INPP4B: variants seen among roughly 807,000 people sequenced by gnomAD.
INPP4B encodes the protein inositol polyphosphate 4-phosphatase type II.
In INPP4B, 55 loss-of-function variants were observed where a neutral mutation model predicts 122.5. That is an observed-to-expected ratio of 0.45 (90% CI 0.36 to 0.56). INPP4B has a LOEUF of 0.56. Among genes scored for constraint, INPP4B ranks in the 20% least tolerant of loss-of-function variants. INPP4B has a pLI of 0.00. For synonymous variants in INPP4B, 403 were observed against 388.7 expected, an observed-to-expected ratio of 1.04 and a Z score of -0.43; for missense variants, 1,000 against 1,097.7, an observed-to-expected ratio of 0.91 and a Z score of 1.26.
intron 12 of INPP4B, among the ~76,000 whole-genome samples, chr4:142,223,368 G>T (rs958099479): frequency 2.6e-5 from 4 of 152,124 alleles, no homozygotes; most frequent in African/African-American, 9.7e-5. Context: ...TTTTAACTAT[G>T]TGCCAAGTAG....
intron 25 of INPP4B, among the ~76,000 whole-genome samples, chr4:142,080,683 C>T (rs925041025): frequency 2.6e-5 from 4 of 151,950 alleles, no homozygotes; most frequent in African/African-American, 9.7e-5. Context: ...ATTTAAGGGT[C>T]CCCTCTTCTA....
intron 9 of INPP4B, among the ~76,000 whole-genome samples, chr4:142,273,027 T>A (rs569409080): frequency 1.3e-5 from 2 of 152,132 alleles, no homozygotes; most frequent in South Asian, 4.1e-4. Flanking sequence ...ACCGTATATG[T>A]CATATTGGTT....
chr4:142,506,900 G>C (rs1303376938), intron 2 of INPP4B, among the ~76,000 whole-genome samples: 2 of 152,164 alleles, frequency 1.3e-5, no homozygotes, highest in Admixed American at 6.5e-5. Context: ...ATCCAACAAA[G>C]CCTGTTGGAG....
At chr4:142,036,057 C>G (rs1224140577) in intron 25 of INPP4B, among the ~76,000 whole-genome samples, 2 of 152,052 alleles carry the variant, frequency 1.3e-5, no homozygotes, top group African/African-American at 4.8e-5. Flanking sequence ...TCCCCTCCTT[C>G]CCTCTCCCCT....
chr4:142,553,700 C>A (rs914122492), intron 2 of INPP4B, among the ~76,000 whole-genome samples: 4 of 152,174 alleles, frequency 2.6e-5, no homozygotes, highest in Non-Finnish European at 4.4e-5. Context: ...TATTGCTGTT[C>A]TTCCCTTCTC....
chr4:142,280,813 C>T (rs1411243045), intron 9 of INPP4B, among the ~76,000 whole-genome samples: 3 of 151,962 alleles, frequency 2.0e-5, no homozygotes, highest in Non-Finnish European at 4.4e-5. Flanking sequence ...TCTTCCATGT[C>T]AAGCAAATTT....
At chr4:142,419,147 T>C (rs1806359571) in intron 5 of INPP4B, among the ~76,000 whole-genome samples, 1 of 151,970 alleles carries the variant, frequency 6.6e-6, no homozygotes, top group South Asian at 2.1e-4. Context: ...AATACAATAT[T>C]TGGGGGGACA....
intron 1 of INPP4B, among the ~76,000 whole-genome samples, chr4:142,831,519 C>G (rs1012178245): frequency 6.6e-6 from 1 of 152,186 alleles, no homozygotes; most frequent in Non-Finnish European, 1.5e-5. Context: ...CTGCAAATGT[C>G]TTCTACAAGG....
chr4:142,173,093 A>G (rs1326284871), intron 16 of INPP4B, among the ~76,000 whole-genome samples: 1 of 151,942 alleles, frequency 6.6e-6, no homozygotes, highest in Non-Finnish European at 1.5e-5. Flanking sequence ...TAAGGCTTAG[A>G]TTATACTGCT....
At chr4:142,092,361 G>GC (rs142070665) in intron 23 of INPP4B, among the ~76,000 whole-genome samples, 39,265 of 152,062 alleles carry the variant, frequency 0.26, 5,141 homozygotes, top group East Asian at 0.3. Context: ...TGTGACCTCG[G>GC]CTCACTGCAA....
In INPP4B at chr4:142,090,340, C is replaced by G. The variant is rs561187074; in HGVS notation, c.2375-4084G>C. On this transcript the variant is annotated intron_variant, in intron 23 of 25. Coordinates refer to ENST00000262992, the MANE Select transcript of INPP4B (RefSeq NM_001101669.3). ...GCCACTATTTCTATTTCTATAGTGA[C>G]AAAACTTGCTTTATTCAGAGCACAC... 7.3e-5 allele frequency among the ~76,000 whole-genome samples: 11 copies of G among 151,106 alleles called. 2 individuals carry two copies. In the South Asian group the frequency reaches 2.1e-3, roughly 29 times the overall value.
intron 5 of INPP4B, among the ~76,000 whole-genome samples, chr4:142,428,065 T>G (rs1189739611): frequency 6.6e-6 from 1 of 151,668 alleles, no homozygotes; most frequent in African/African-American, 2.4e-5. Flanking sequence ...ATAGCACAAT[T>G]TTTAGCTATA....
At chr4:142,556,798 G>C (rs75311313) in intron 2 of INPP4B, among the ~76,000 whole-genome samples, 2,506 of 152,200 alleles carry the variant, frequency 0.016, 30 homozygotes, top group Non-Finnish European at 0.026. Flanking sequence ...CAGGGATAGG[G>C]GCCTAAAAGA....
intron 12 of INPP4B, among the ~76,000 whole-genome samples, chr4:142,209,545 C>G (rs1390375395): frequency 6.6e-6 from 1 of 151,874 alleles, no homozygotes; most frequent in Non-Finnish European, 1.5e-5. Flanking sequence ...GTAATCCCAG[C>G]ACTTTGGGAA....
chr4:142,605,081 T>G (rs961855567), intron 2 of INPP4B, among the ~76,000 whole-genome samples: 1 of 152,080 alleles, frequency 6.6e-6, no homozygotes, highest in African/African-American at 2.4e-5. Context: ...TATAGCCAAC[T>G]GATCTTTGGC....
intron 5 of INPP4B, among the ~76,000 whole-genome samples, chr4:142,421,732 G>A (rs1176112721): frequency 6.6e-6 from 1 of 152,048 alleles, no homozygotes; most frequent in African/African-American, 2.4e-5. Context: ...TAAACCAACT[G>A]AAATCCTGCT....
At chr4:142,454,587 C>T (rs939460832) in intron 3 of INPP4B, among the ~76,000 whole-genome samples, 5 of 152,028 alleles carry the variant, frequency 3.3e-5, no homozygotes, top group Non-Finnish European at 7.4e-5. Context: ...CTGGATCCGT[C>T]ATGTCATACA....
chr4:142,723,322 T>C (rs1764929024), intron 2 of INPP4B, among the ~76,000 whole-genome samples: 2 of 152,146 alleles, frequency 1.3e-5, no homozygotes, highest in South Asian at 4.1e-4. Flanking sequence ...ATTTTCTTAA[T>C]TGAAATTTGA....
At chr4:142,260,273 C>G (rs1006601858) in intron 11 of INPP4B, among the ~76,000 whole-genome samples, 7 of 152,074 alleles carry the variant, frequency 4.6e-5, no homozygotes, top group African/African-American at 1.4e-4. Context: ...CGTGAGCCAC[C>G]GCGCCTGGCT....
Sources: allele counts gnomAD v4.1 joint callset (sites outside exome capture counted in the v4.1 genomes callset), GRCh38; gene constraint gnomAD v4.1.1; transcripts MANE v1.5; gene names NCBI Gene and HGNC (gene_info 2026-07-23, HGNC 2026-07-21).